Variants in KIF16B observed in about 807,000 individuals in gnomAD.
KIF16B encodes the protein kinesin-like protein KIF16B.
A neutral mutation model predicts 156.3 loss-of-function variants in KIF16B; 98 were observed. The ratio of observed to expected loss-of-function variants is 0.63; its 90% CI spans 0.53 to 0.74. The LOEUF is 0.74. KIF16B is among the 30% of genes least tolerant of loss of function. The pLI, the probability that KIF16B is intolerant of heterozygous loss-of-function variation, is 0.00. For synonymous variants in KIF16B, 564 were observed against 583.7 expected (o/e 0.97, Z 0.49); for missense variants, 1,421 against 1,606.5 (o/e 0.88, Z 1.97).
intron 1 of KIF16B, 109 bp downstream of exon 1, chr20:16,573,120 G>A: frequency 9.0e-7 from 1 of 1,114,356 alleles, no homozygotes; most frequent in East Asian, 2.6e-5. Context: ...GTGGGCCAGG[G>A]ACCAGCCGGT....
chr20:16,326,256 A>G (rs2122844790), intron 24 of KIF16B, among the ~76,000 whole-genome samples: 1 of 151,862 alleles, frequency 6.6e-6, no homozygotes, highest in Admixed American at 6.6e-5. Flanking sequence ...CTTCATGACC[A>G]AGAACCCAAA....
chr20:16,321,510 GTTTCA>G (rs1479815421), intron 24 of KIF16B, among the ~76,000 whole-genome samples: 5 of 151,930 alleles, frequency 3.3e-5, no homozygotes, highest in African/African-American at 1.2e-4. Context: ...AGATGTTTAA[GTTTCA>G]TTTCAGTTCT....
intron 1 of KIF16B, among the ~76,000 whole-genome samples, chr20:16,531,351 C>G (rs911790217): frequency 6.6e-6 from 1 of 152,190 alleles, no homozygotes; most frequent in African/African-American, 2.4e-5. Context: ...AAGAAAGTTT[C>G]TCCTTTAGAG....
intron 15 of KIF16B, among the ~76,000 whole-genome samples, chr20:16,412,657 C>T (rs1284860394): frequency 6.6e-6 from 1 of 151,956 alleles, no homozygotes; most frequent in Non-Finnish European, 1.5e-5. Context: ...TGAGAACTCA[C>T]CATCACAAGA....
chr20:16,344,481 T>G (rs1438259871), intron 23 of KIF16B, among the ~76,000 whole-genome samples: 1 of 152,178 alleles, frequency 6.6e-6, no homozygotes, highest in African/African-American at 2.4e-5. Context: ...TCTCCTAGCT[T>G]ATCTCCTTTC....
intron 22 of KIF16B, 125 bp from the exon 23 acceptor site, chr20:16,356,577 G>T: frequency 6.0e-6 from 6 of 1,006,292 alleles, no homozygotes; most frequent in Non-Finnish European, 8.6e-6. Context: ...AACCAGTAGG[G>T]TTTATTTAGA....
At chr20:16,274,594 C>T (rs1281808278) in intron 25 of KIF16B, among the ~76,000 whole-genome samples, 1 of 152,216 alleles carries the variant, frequency 6.6e-6, no homozygotes, top group Non-Finnish European at 1.5e-5. Flanking sequence ...TTAGGAATTA[C>T]ACATAATAAT....
chr20:16,358,491 A>T (rs571836560), intron 22 of KIF16B, among the ~76,000 whole-genome samples: 2 of 152,352 alleles, frequency 1.3e-5, no homozygotes, highest in Admixed American at 1.3e-4. Context: ...GAAGGATAAG[A>T]TGTGGAATCC....
chr20:16,321,744 T>C (rs937617460), intron 24 of KIF16B, among the ~76,000 whole-genome samples: 2 of 152,154 alleles, frequency 1.3e-5, no homozygotes, highest in South Asian at 4.1e-4. Context: ...AAACATATTA[T>C]TTTTTCAAGA....
At chr20:16,521,721 A>T (rs1431953180) in intron 3 of KIF16B, among the ~76,000 whole-genome samples, 1 of 152,214 alleles carries the variant, frequency 6.6e-6, no homozygotes, top group Non-Finnish European at 1.5e-5. Flanking sequence ...CATAATCGTC[A>T]GATTCACCAA....
intron 23 of KIF16B, among the ~76,000 whole-genome samples, chr20:16,345,988 G>A (rs1001214360): frequency 1.3e-5 from 2 of 152,250 alleles, no homozygotes; most frequent in Non-Finnish European, 2.9e-5. Context: ...GCAGAGCTCT[G>A]CAGCCAGGTG....
At chr20:16,481,923 T>C (rs1342370562) in intron 12 of KIF16B, among the ~76,000 whole-genome samples, 1 of 152,206 alleles carries the variant, frequency 6.6e-6, no homozygotes, top group Non-Finnish European at 1.5e-5. Context: ...GCACTTTGCC[T>C]GTCCTCGTTT....
intron 17 of KIF16B, among the ~76,000 whole-genome samples, chr20:16,387,575 A>T (rs2065258851): frequency 6.6e-6 from 1 of 152,222 alleles, no homozygotes; most frequent in Admixed American, 6.5e-5. Context: ...TTAAGTAACT[A>T]GATTGCAAGA....
intron 23 of KIF16B, among the ~76,000 whole-genome samples, chr20:16,350,346 T>A (rs1395725522): frequency 6.6e-6 from 1 of 152,136 alleles, no homozygotes; most frequent in African/African-American, 2.4e-5. Context: ...GGACACGTGC[T>A]TCTAAGAGCA....
intron 9 of KIF16B, among the ~76,000 whole-genome samples, 160 bp downstream of exon 9, chr20:16,505,562 T>C (rs541667192): frequency 6.6e-6 from 1 of 152,344 alleles, no homozygotes; most frequent in East Asian, 1.9e-4. Context: ...GACTGGATCA[T>C]AGCAGGATCA....
chr20:16,534,795 G>C (rs183810037), intron 1 of KIF16B, among the ~76,000 whole-genome samples: 4 of 152,160 alleles, frequency 2.6e-5, no homozygotes, highest in Non-Finnish European at 5.9e-5. Context: ...CTTTGTCAAA[G>C]ATCAGTTGAA....
At chr20:16,554,361 C>T (rs933951414) in intron 1 of KIF16B, among the ~76,000 whole-genome samples, 1 of 152,194 alleles carries the variant, frequency 6.6e-6, no homozygotes, top group Non-Finnish European at 1.5e-5. Flanking sequence ...CTCCTCTCTG[C>T]TGAGAGCTGA....
chr20:16,333,682 G>A (rs1218210037), intron 24 of KIF16B, among the ~76,000 whole-genome samples: 2 of 152,134 alleles, frequency 1.3e-5, no homozygotes, highest in Non-Finnish European at 2.9e-5. Context: ...CCTTGGGTAT[G>A]TTTTCTTCTA....
chr20:16,347,313 C>T (rs1330692102), intron 23 of KIF16B, among the ~76,000 whole-genome samples: 1 of 152,282 alleles, frequency 6.6e-6, no homozygotes, highest in East Asian at 1.9e-4. Context: ...AGATGCAAAA[C>T]TCCCAAAATT....
Sources: allele counts gnomAD v4.1 joint callset (sites outside exome capture counted in the v4.1 genomes callset), GRCh38; gene constraint gnomAD v4.1.1; transcripts MANE v1.5; gene names NCBI Gene and HGNC (gene_info 2026-07-23, HGNC 2026-07-21).